Variants in PCLAF observed in about 807,000 individuals in gnomAD.
The protein encoded by PCLAF is PCNA clamp associated factor.
In PCLAF, 12 loss-of-function variants were observed where a neutral mutation model predicts 15.1. That is an observed-to-expected ratio of 0.79 (90% CI 0.51 to 1.29). The LOEUF (loss-of-function observed/expected upper bound fraction) is 1.29, where lower values mean the gene tolerates loss of function less well. Ranked by LOEUF, PCLAF falls within the 50% of genes most tolerant of loss-of-function variation. PCLAF has a pLI of 0.00. For synonymous variants in PCLAF, 33 were observed against 47.1 expected, an observed-to-expected ratio of 0.70 and a Z score of 1.22; for missense variants, 116 against 130.9, an observed-to-expected ratio of 0.89 and a Z score of 0.56.
upstream of PCLAF, among the ~76,000 whole-genome samples, chr15:64,384,455 A>G (rs1255266420): frequency 6.6e-6 from 1 of 151,630 alleles, no homozygotes; most frequent in Non-Finnish European, 1.5e-5. Flanking sequence ...ATACCAAAGA[A>G]AATCTTGGCC....
chr15:64,377,964 T>C (rs1899681436), intron 2 of PCLAF, among the ~76,000 whole-genome samples: 1 of 151,024 alleles, frequency 6.6e-6, no homozygotes, highest in Non-Finnish European at 1.5e-5. Context: ...AGAGTCTCAC[T>C]CTGTCACCCA....
chr15:64,377,776 A>G (rs12912929), intron 2 of PCLAF, among the ~76,000 whole-genome samples: 95,885 of 96,098 alleles, frequency 1, 47,836 homozygotes, highest in East Asian at 1. Context: ...TTTTTTTTCA[A>G]AGTCTAGCTC....
intron 3 of PCLAF, among the ~76,000 whole-genome samples, chr15:64,375,047 A>T (rs1006178118): frequency 2.6e-5 from 4 of 152,040 alleles, no homozygotes; most frequent in Non-Finnish European, 5.9e-5. Flanking sequence ...ACACCATGGT[A>T]TTATTCCTAG....
chr15:64,385,475 A>G (rs1899915456), upstream of PCLAF, among the ~76,000 whole-genome samples: 1 of 151,918 alleles, frequency 6.6e-6, no homozygotes, highest in Admixed American at 6.6e-5. Context: ...CAAATACAAA[A>G]TTAGCCGCGC....
chr15:64,370,991 C>T (rs1418446141), intron 3 of PCLAF, among the ~76,000 whole-genome samples: 3 of 122,610 alleles, frequency 2.4e-5, no homozygotes, highest in Admixed American at 9.7e-5. Context: ...TTTTTTGAGA[C>T]GGAGTCTCGC....
At chr15:64,367,433 G>A (rs933843595) in intron 3 of PCLAF, among the ~76,000 whole-genome samples, 1 of 151,060 alleles carries the variant, frequency 6.6e-6, no homozygotes, top group Non-Finnish European at 1.5e-5. Context: ...AACCTAGGAG[G>A]CAGAGGTTGC....
intron 3 of PCLAF, among the ~76,000 whole-genome samples, chr15:64,368,471 C>A (rs1899142182): frequency 6.6e-6 from 1 of 152,162 alleles, no homozygotes; most frequent in African/African-American, 2.4e-5. Flanking sequence ...TTACTTTAGG[C>A]ATCATAACTC....
intron 2 of PCLAF, 119 bp downstream of exon 2, chr15:64,380,839 A>G (rs528873475): frequency 2.0e-5 from 16 of 801,600 alleles, no homozygotes; most frequent in Admixed American, 1.1e-4. Context: ...CTCTCTTATT[A>G]TATCACAGGG....
chr15:64,366,052 T>C lies in PCLAF; in HGVS notation c.314A>G (p.His105Arg). Residue 105 changes from histidine to arginine, a missense_variant, in exon 4 of 4, where the codon CAC becomes CGC. By Grantham distance (29) the His-to-Arg change is conservative (BLOSUM62 0). Transcript: ENST00000300035. ...GTTCTATTCTTTTTCATCATTTGTG[T>C]GATCAGGTTGCAAAGGACATGCTCT... ...KRKACPLQPD[H>R]TNDEKE The C allele has an allele frequency of 6.2e-7, 1 of 1,611,958 alleles. No homozygotes were observed. The highest frequency in any genetic ancestry group is 1.3e-5 in the African/African-American group (1 of 75,012).
intron 3 of PCLAF, among the ~76,000 whole-genome samples, chr15:64,366,640 C>A (rs1294336586): frequency 1.3e-5 from 2 of 151,790 alleles, no homozygotes; most frequent in East Asian, 3.9e-4. Flanking sequence ...GAGTTTGAGA[C>A]CAACCTGGGC....
At chr15:64,381,650 T>C, upstream of PCLAF, 1 of 719,384 alleles carries the variant, frequency 1.4e-6, no homozygotes, top group African/African-American at 1.8e-5. Context: ...AGGTGGGCGG[T>C]ACCAGGACTC....
At chr15:64,384,148 A>C (rs542569903), upstream of PCLAF, among the ~76,000 whole-genome samples, 3 of 152,122 alleles carry the variant, frequency 2.0e-5, no homozygotes, top group South Asian at 6.2e-4. Flanking sequence ...TTATTTATTA[A>C]TTTTGAGACA....
At chr15:64,385,350 G>C (rs1306283975), upstream of PCLAF, among the ~76,000 whole-genome samples, 1 of 152,144 alleles carries the variant, frequency 6.6e-6, no homozygotes, top group African/African-American at 2.4e-5. Flanking sequence ...ACCAGATTAA[G>C]AAATACCTAG....
chr15:64,386,432 C>A (rs1425677792), upstream of PCLAF, among the ~76,000 whole-genome samples: 2 of 152,122 alleles, frequency 1.3e-5, no homozygotes, highest in Non-Finnish European at 2.9e-5. Context: ...GTGATCCTCC[C>A]ACCTCAGCCT....
intron 2 of PCLAF, among the ~76,000 whole-genome samples, chr15:64,377,670 A>G (rs1174866761): frequency 6.8e-6 from 1 of 147,422 alleles, no homozygotes; most frequent in African/African-American, 2.5e-5. Context: ...GCAATGTGAA[A>G]GTCTCCACAA....
intron 1 of PCLAF, among the ~76,000 whole-genome samples, chr15:64,386,877 C>T (rs1481864622): frequency 6.6e-6 from 1 of 152,106 alleles, no homozygotes; most frequent in Non-Finnish European, 1.5e-5. Flanking sequence ...GCAAATGCAA[C>T]AAAAAGCCAG....
intron 3 of PCLAF, among the ~76,000 whole-genome samples, chr15:64,370,832 T>G (rs1027709162): frequency 5.7e-3 from 23 of 4,028 alleles, no homozygotes; most frequent in Non-Finnish European, 0.01. Flanking sequence ...TAAAGTTGTT[T>G]TTTTTTTTTT....
At chr15:64,385,129 A>G (rs1390836869), upstream of PCLAF, among the ~76,000 whole-genome samples, 1 of 152,046 alleles carries the variant, frequency 6.6e-6, no homozygotes, top group East Asian at 1.9e-4. Context: ...AGTTCAACCA[A>G]TCCTCCCACC....
chr15:64,367,651 G>A lies in PCLAF; in HGVS notation c.291-1576C>T, dbSNP rs557328324. 3.7e-3 allele frequency among the ~76,000 whole-genome samples: 562 copies of A among 151,734 alleles called. 3 individuals carry two copies. Among genetic ancestry groups the A allele is most frequent in the Non-Finnish European group, 5.8e-3 (397 of 67,920 alleles). On this transcript the variant is annotated intron_variant, in intron 3 of 3. Coordinates refer to ENST00000300035, the MANE Select transcript of PCLAF (RefSeq NM_014736.6). ...CAACCTCTGCCTCCCGGGTTCAAGC[G>A]ATTCTCCTGCCTTAGCCTCCCAAGT...
Sources: gnomAD v4.1 joint callset for allele counts (sites outside exome capture counted in the v4.1 genomes callset) on GRCh38, gnomAD v4.1.1 for gene constraint, MANE v1.5 for transcripts, NCBI Gene and HGNC (gene_info 2026-07-23, HGNC 2026-07-21) for gene names.